Variants in GLP2R observed in about 807,000 individuals in gnomAD.
GLP2R encodes the protein glucagon like peptide 2 receptor.
GLP2R carries 59 observed loss-of-function variants against 68.2 expected under a neutral mutation model. That is an observed-to-expected ratio of 0.87 (90% CI 0.70 to 1.07). The LOEUF is 1.07. Ranked by LOEUF, GLP2R falls within the 50% of genes least tolerant of loss-of-function variation. The pLI, the probability that GLP2R is intolerant of heterozygous loss-of-function variation, is 0.00. For missense variants in GLP2R, 548 were observed against 677.4 expected (o/e 0.81, Z 2.12); for synonymous variants, 270 against 265.4 (o/e 1.02, Z -0.17).
intron 9 of GLP2R, among the ~76,000 whole-genome samples, chr17:9,864,812 C>T (rs975461351): frequency 4.6e-5 from 7 of 152,256 alleles, no homozygotes; most frequent in South Asian, 4.1e-4. Flanking sequence ...CATGAGCCAC[C>T]GTGTCTGGCC....
At chr17:9,849,816 T>C (rs955280797) in intron 4 of GLP2R, among the ~76,000 whole-genome samples, 6 of 152,040 alleles carry the variant, frequency 3.9e-5, no homozygotes, top group African/African-American at 1.4e-4. Flanking sequence ...TGTTTCACCA[T>C]ATTAGCCAGG....
At chr17:9,847,670 G>A (rs2066853721) in intron 4 of GLP2R, among the ~76,000 whole-genome samples, 1 of 152,108 alleles carries the variant, frequency 6.6e-6, no homozygotes, top group African/African-American at 2.4e-5. Flanking sequence ...GGTCTACCAG[G>A]GTGACTTTTT....
chr17:9,841,907 A>G (rs184827943), intron 3 of GLP2R, among the ~76,000 whole-genome samples: 6 of 152,310 alleles, frequency 3.9e-5, no homozygotes, highest in Admixed American at 2.6e-4. Flanking sequence ...CTGAGTCACA[A>G]TGGCAGTCTG....
At chr17:9,874,756 T>A (rs993666944) in intron 10 of GLP2R, among the ~76,000 whole-genome samples, 2 of 152,086 alleles carry the variant, frequency 1.3e-5, no homozygotes, top group Non-Finnish European at 2.9e-5. Flanking sequence ...CCCACATGCC[T>A]CCCAAAATTT....
In GLP2R at chr17:9,890,934, G is replaced by A. The variant is rs62064480; in HGVS notation, c.*1229G>A. 29,413 of 152,250 alleles carry A rather than the reference G, an allele frequency of 0.19. 3,755 individuals are homozygous for A. The highest frequency in any genetic ancestry group is 0.29 in the Non-Finnish European group (19,726 of 68,054). The allele number at this position is 152,250 out of a possible 1,614,324, so 9.4% of individuals were successfully genotyped here. On this transcript the variant is annotated 3_prime_UTR_variant, in exon 13 of 13. Coordinates refer to ENST00000262441, the MANE Select transcript of GLP2R (RefSeq NM_004246.3). ...GTCAGGCTCAATGACTGAAAGTATAGGGCAAGAGGCTGTAGGAAGATCAAG... is the reference window on the plus strand; with the variant it reads ...GTCAGGCTCAATGACTGAAAGTATAAGGCAAGAGGCTGTAGGAAGATCAAG...
At chr17:9,837,100 C>A (rs1027959377) in intron 3 of GLP2R, among the ~76,000 whole-genome samples, 2 of 152,128 alleles carry the variant, frequency 1.3e-5, no homozygotes, top group Non-Finnish European at 2.9e-5. Flanking sequence ...GGTGATCCAC[C>A]CGCCTCCGCC....
rs1413766398 is a variant in GLP2R at position 9,833,857 on chromosome 17, A to G, written c.240A>G (p.Lys80=). 1.2e-6 allele frequency: 2 copies of G among 1,613,296 alleles called. No individual in the cohort carries two copies. Among genetic ancestry groups the G allele is most frequent in the Non-Finnish European group, 1.7e-6 (2 of 1,179,328 alleles). Residue 80 remains lysine (K), a synonymous_variant, in exon 2 of 13, where the codon AAA becomes AAG. Coordinates refer to ENST00000262441, the MANE Select transcript of GLP2R (RefSeq NM_004246.3). ...CGACTCGGAAGTGGGCTCAGTACAA[A>G]CAGGCATGTCTGAGAGACTTACTCA... The part of the protein sequence containing the change: ...EETTRKWAQY[K]QACLRDLLKE...
chr17:9,848,985 G>A (rs1388157977), intron 4 of GLP2R, among the ~76,000 whole-genome samples: 1 of 150,644 alleles, frequency 6.6e-6, no homozygotes, highest in African/African-American at 2.5e-5. Flanking sequence ...GCCTTACTTT[G>A]TCCTTTAAAA....
chr17:9,857,635 A>C (rs2066946669), intron 6 of GLP2R, 59 bp downstream of exon 6: 3 of 1,543,464 alleles, frequency 1.9e-6, no homozygotes, highest in Non-Finnish European at 2.7e-6. Context: ...AGTACTGGGA[A>C]TCAGAAGGCA....
intron 9 of GLP2R, among the ~76,000 whole-genome samples, chr17:9,869,836 G>A (rs1000559668): frequency 6.6e-6 from 1 of 152,172 alleles, no homozygotes; most frequent in African/African-American, 2.4e-5. Flanking sequence ...TATTCTTTTC[G>A]TTAAGTGCAA....
At chr17:9,851,550 G>A (rs866578971) in intron 4 of GLP2R, among the ~76,000 whole-genome samples, 9 of 152,162 alleles carry the variant, frequency 5.9e-5, no homozygotes, top group Non-Finnish European at 2.9e-5. Context: ...CACAGTTGGA[G>A]ACTGACAAGA....
In GLP2R at chr17:9,870,728, T is replaced by C. The variant is rs546908082; in HGVS notation, c.1057-19T>C. ...TGGAATTCGTCACTTACTTACCCAA[T>C]TCTGCTCTTTTTTTCAAGGTCAATT... On this transcript the variant is annotated intron_variant, in intron 9 of 12. Transcript: ENST00000262441. The C allele has an allele frequency of 4.2e-6, 5 of 1,202,254 alleles. No homozygotes were observed. In the African/African-American group the frequency reaches 4.4e-5, roughly 11 times the overall value. 74.5% of individuals were successfully genotyped at this position (1,202,254 alleles called of 1,614,324 possible).
intron 4 of GLP2R, among the ~76,000 whole-genome samples, chr17:9,851,976 A>G (rs771249238): frequency 3.9e-5 from 6 of 152,132 alleles, no homozygotes; most frequent in Non-Finnish European, 7.4e-5. Context: ...AACTAAATAA[A>G]GACAAAAATA....
chr17:9,875,869 C>T (rs115385155), intron 10 of GLP2R, among the ~76,000 whole-genome samples: 1 of 152,170 alleles, frequency 6.6e-6, no homozygotes, highest in Non-Finnish European at 1.5e-5. Flanking sequence ...AAAGGAGAAG[C>T]ATTTCATTTT....
chr17:9,875,077 G>A (rs2067131813), intron 10 of GLP2R, among the ~76,000 whole-genome samples: 1 of 152,160 alleles, frequency 6.6e-6, no homozygotes, highest in African/African-American at 2.4e-5. Context: ...TTATTCATTA[G>A]CAAAAAGGCA....
intron 8 of GLP2R, among the ~76,000 whole-genome samples, chr17:9,861,730 A>G (rs2066989626): frequency 6.6e-6 from 1 of 152,216 alleles, no homozygotes; most frequent in East Asian, 1.9e-4. Context: ...ACAAAAAACT[A>G]CATAATTAGG....
At chr17:9,832,380 C>G (rs1026308888) in intron 1 of GLP2R, among the ~76,000 whole-genome samples, 3 of 152,120 alleles carry the variant, frequency 2.0e-5, no homozygotes, top group African/African-American at 7.2e-5. Flanking sequence ...CGAGACCAAG[C>G]TGATCAACGT....
chr17:9,865,812 C>G, intron 9 of GLP2R: 2 of 471,060 alleles, frequency 4.2e-6, no homozygotes, highest in Non-Finnish European at 8.8e-6. Flanking sequence ...CATTGCTTAA[C>G]TATTGTTGTC....
At chr17:9,865,559 T>G (rs775420047) in intron 9 of GLP2R, among the ~76,000 whole-genome samples, 10 of 152,200 alleles carry the variant, frequency 6.6e-5, no homozygotes, top group Non-Finnish European at 1.3e-4. Flanking sequence ...GATGCTCTAC[T>G]CGTATGGATA....
Sources: gnomAD v4.1 joint callset for allele counts (sites outside exome capture counted in the v4.1 genomes callset) on GRCh38, gnomAD v4.1.1 for gene constraint, MANE v1.5 for transcripts, NCBI Gene and HGNC (gene_info 2026-07-23, HGNC 2026-07-21) for gene names.